DOK5: variants seen among roughly 807,000 people sequenced by gnomAD.
The protein encoded by DOK5 is downstream of tyrosine kinase 5.
A neutral mutation model predicts 43.3 loss-of-function variants in DOK5; 27 were observed. The observed-to-expected ratio is 0.62, with a 90% CI of 0.46 to 0.86. The LOEUF (loss-of-function observed/expected upper bound fraction) is 0.86. DOK5 is among the 40% of genes least tolerant of loss of function. DOK5 has a pLI of 0.00. For synonymous variants in DOK5, 146 were observed against 140.1 expected (o/e 1.04, Z -0.30); for missense variants, 373 against 392.9 (o/e 0.95, Z 0.43).
chr20:54,616,545 T>C (rs548428596), intron 6 of DOK5, among the ~76,000 whole-genome samples: 37 of 152,316 alleles, frequency 2.4e-4, no homozygotes, highest in African/African-American at 8.7e-4. Flanking sequence ...GGCTAACTGA[T>C]GTCTATATTA....
At chr20:54,583,787 G>A (rs1355454468) in intron 2 of DOK5, among the ~76,000 whole-genome samples, 1 of 151,998 alleles carries the variant, frequency 6.6e-6, no homozygotes, top group African/African-American at 2.4e-5. Flanking sequence ...AATCTAAAGT[G>A]AGTCTCTTGT....
intron 1 of DOK5, among the ~76,000 whole-genome samples, chr20:54,537,733 A>G (rs915854127): frequency 1.3e-5 from 2 of 151,804 alleles, no homozygotes; most frequent in African/African-American, 4.8e-5. Flanking sequence ...CCAGAAGGAG[A>G]GGAGAGAGAC....
At chr20:54,566,874 C>T (rs954808334) in intron 2 of DOK5, among the ~76,000 whole-genome samples, 16 of 152,178 alleles carry the variant, frequency 1.1e-4, no homozygotes, top group African/African-American at 3.6e-4. Context: ...TCCTCAGCCT[C>T]CCGAAGCACT....
intron 1 of DOK5, 44 bp downstream of exon 1, chr20:54,476,056 GTC>G (rs753099485): frequency 3.1e-6 from 5 of 1,608,068 alleles, no homozygotes; most frequent in African/African-American, 2.7e-5. Context: ...CGGTTCGATT[GTC>G]TCTCTCTTGA....
intron 2 of DOK5, among the ~76,000 whole-genome samples, chr20:54,562,929 G>A (rs577116091): frequency 6.6e-6 from 1 of 152,274 alleles, no homozygotes; most frequent in Admixed American, 6.5e-5. Flanking sequence ...TTTGGAACTA[G>A]GATCTTTGTA....
intron 5 of DOK5, among the ~76,000 whole-genome samples, chr20:54,606,086 A>T (rs1986460369): frequency 6.6e-6 from 1 of 152,214 alleles, no homozygotes; most frequent in Non-Finnish European, 1.5e-5. Context: ...AATCCTTCCC[A>T]ACATTTTCTG....
At chr20:54,579,529 T>C (rs749889868) in intron 2 of DOK5, among the ~76,000 whole-genome samples, 3 of 152,118 alleles carry the variant, frequency 2.0e-5, no homozygotes, top group Non-Finnish European at 4.4e-5. Flanking sequence ...TGACTAGAAT[T>C]CTATATTCGT....
intron 6 of DOK5, 82 bp downstream of exon 6, chr20:54,610,605 G>C: frequency 7.6e-7 from 1 of 1,315,168 alleles, no homozygotes. Flanking sequence ...GGAAAATATG[G>C]TCAGCATTAT....
chr20:54,547,450 G>A (rs770837987), intron 1 of DOK5, among the ~76,000 whole-genome samples: 1 of 152,236 alleles, frequency 6.6e-6, no homozygotes, highest in East Asian at 1.9e-4. Context: ...CATTGTGAAG[G>A]CTTACTATTA....
intron 1 of DOK5, among the ~76,000 whole-genome samples, chr20:54,537,828 G>A (rs1408098613): frequency 2.3e-5 from 3 of 132,762 alleles, no homozygotes; most frequent in Non-Finnish European, 3.2e-5. Context: ...TGATGTACAA[G>A]TTCTTTTTTT....
chr20:54,568,185 C>T, intron 2 of DOK5, among the ~76,000 whole-genome samples: 1 of 152,182 alleles, frequency 6.6e-6, no homozygotes, highest in East Asian at 1.9e-4. Flanking sequence ...TGAAGAAACA[C>T]ACAATACACA....
rs150000440 is a variant in DOK5 at position 54,595,202 on chromosome 20, G to A, written c.599+3397G>A. On this transcript the variant is annotated intron_variant, in intron 5 of 7. Transcript: ENST00000262593. ...TAAAAATACAAAAAATTAGCCGGGC[G>A]TGGTAGTGGGCACCTGTGGTCCCAG... 9.1e-3 allele frequency among the ~76,000 whole-genome samples: 1,387 copies of A among 152,228 alleles called. 18 individuals carry two copies. The highest frequency in any genetic ancestry group is 0.032 in the African/African-American group (1,328 of 41,522).
chr20:54,539,278 C>A (rs576146742), intron 1 of DOK5, among the ~76,000 whole-genome samples: 2 of 67,650 alleles, frequency 3.0e-5, no homozygotes, highest in Non-Finnish European at 5.1e-5. Context: ...GGCTCCATCT[C>A]CAAAAAAAAA....
chr20:54,536,248 T>C (rs766239634), intron 1 of DOK5, among the ~76,000 whole-genome samples: 4 of 152,180 alleles, frequency 2.6e-5, no homozygotes, highest in African/African-American at 4.8e-5. Flanking sequence ...GTCTCTGAGA[T>C]GGTGACATCA....
At chr20:54,615,504 A>G (rs1986778119) in intron 6 of DOK5, among the ~76,000 whole-genome samples, 2 of 152,136 alleles carry the variant, frequency 1.3e-5, no homozygotes, top group Admixed American at 1.3e-4. Flanking sequence ...AAGCAGAGAG[A>G]CAGAGATAGA....
intron 1 of DOK5, among the ~76,000 whole-genome samples, chr20:54,517,921 A>G (rs982361074): frequency 3.9e-5 from 6 of 152,152 alleles, no homozygotes; most frequent in African/African-American, 1.4e-4. Flanking sequence ...TGGACTTCTC[A>G]GCCTCCAGAG....
chr20:54,503,594 C>CT (rs370920301), intron 1 of DOK5, among the ~76,000 whole-genome samples: 4,217 of 151,838 alleles, frequency 0.028, 85 homozygotes, highest in Non-Finnish European at 0.047. Flanking sequence ...ATTTATTTTT[C>CT]TTTTTTTTGG....
chr20:54,530,141 G>A (rs1220213059), intron 1 of DOK5, among the ~76,000 whole-genome samples: 1 of 152,154 alleles, frequency 6.6e-6, no homozygotes, highest in Non-Finnish European at 1.5e-5. Context: ...CAAGTGCCAT[G>A]GTGTGACCAA....
At chr20:54,519,180 ATTAACT>A (rs1983306371) in intron 1 of DOK5, among the ~76,000 whole-genome samples, 1 of 152,180 alleles carries the variant, frequency 6.6e-6, no homozygotes, top group Non-Finnish European at 1.5e-5. Flanking sequence ...CATAAGTTTG[ATTAACT>A]TTAATACTTT....
Sources: allele counts gnomAD v4.1 joint callset (sites outside exome capture counted in the v4.1 genomes callset), GRCh38; gene constraint gnomAD v4.1.1; transcripts MANE v1.5; gene names NCBI Gene and HGNC (gene_info 2026-07-23, HGNC 2026-07-21).